Variants in KHDRBS2 observed in about 807,000 individuals in gnomAD.
KHDRBS2 encodes the protein KH RNA binding domain containing, signal transduction associated 2.
Under a neutral mutation model 44.3 loss-of-function variants are expected in KHDRBS2, and 26 were observed. The observed-to-expected ratio is 0.59, with a 90% CI of 0.43 to 0.81. The LOEUF is 0.81. Ranked by LOEUF, KHDRBS2 falls within the 40% of genes least tolerant of loss-of-function variation. KHDRBS2 has a pLI of 0.00. For synonymous variants in KHDRBS2, 194 were observed against 151.1 expected, an observed-to-expected ratio of 1.28 and a Z score of -2.08; for missense variants, 476 against 433.1, an observed-to-expected ratio of 1.10 and a Z score of -0.88.
At position 61,990,473 on chromosome 6, in the gene KHDRBS2, T is replaced by A. The variant is rs142761328; in HGVS notation, c.337-12261A>T. ...TAATTGGAAAGACTCACAGGGTATA[T>A]CACATTAAAATCTCTGAACATGAAG... On this transcript the variant is annotated intron_variant, in intron 3 of 8. Coordinates refer to ENST00000281156, the MANE Select transcript of KHDRBS2 (RefSeq NM_152688.4). Among the ~76,000 whole-genome samples, 554 of 152,230 alleles carry A rather than the reference T, an allele frequency of 3.6e-3. 4 individuals carry two copies. The highest frequency in any genetic ancestry group is 0.012 in the African/African-American group (512 of 41,548).
At chr6:61,732,789 A>T (rs1440741858) in intron 6 of KHDRBS2, 25 bp from the exon 7 acceptor site, 1 of 1,197,012 alleles carries the variant, frequency 8.4e-7, no homozygotes. Flanking sequence ...TGGTAGAAAC[A>T]CCTGTTAGTC....
At chr6:61,958,839 C>A (rs1240612051) in intron 4 of KHDRBS2, among the ~76,000 whole-genome samples, 6 of 152,136 alleles carry the variant, frequency 3.9e-5, no homozygotes, top group Admixed American at 3.9e-4. Flanking sequence ...CTTGACAATG[C>A]CTTCAGTTCT....
chr6:61,679,161 C>A (rs1561960463), downstream of KHDRBS2, among the ~76,000 whole-genome samples: 1 of 151,832 alleles, frequency 6.6e-6, no homozygotes, highest in Non-Finnish European at 1.5e-5. Context: ...CCACCATAAA[C>A]AAAAAAACTG....
At chr6:62,187,641 C>G (rs1332607861) in intron 1 of KHDRBS2, among the ~76,000 whole-genome samples, 5 of 151,954 alleles carry the variant, frequency 3.3e-5, no homozygotes, top group African/African-American at 1.2e-4. Context: ...TAAATATATT[C>G]ATCATTTCCA....
At chr6:62,210,577 C>T (rs1219377722) in intron 1 of KHDRBS2, among the ~76,000 whole-genome samples, 2 of 152,014 alleles carry the variant, frequency 1.3e-5, no homozygotes, top group Non-Finnish European at 2.9e-5. Context: ...GTGATCCGCC[C>T]TCCTCGGCCT....
Position 62,213,873 on chromosome 6 carries a change from C to CAAAA in KHDRBS2, c.92-36565_92-36562dup, listed in dbSNP as rs67482871. Among the ~76,000 whole-genome samples, 342 of 41,528 alleles carry CAAAA rather than the reference C, an allele frequency of 8.2e-3. 2 individuals carry two copies. The highest frequency in any genetic ancestry group is 0.033 in the Middle Eastern group (1 of 30). 27.2% of individuals were successfully genotyped at this position (41,528 alleles called of 152,430 possible). A position where few individuals can be genotyped will look rare whatever the true frequency, so the allele number is the denominator to read the frequency against. Reference sequence around the variant, plus strand: ...TGGGTGACAGAGCGAGACTCCATCTCAAAAAAAAAAAAAAAAAAAAAAAAA... The same window carrying CAAAA: ...TGGGTGACAGAGCGAGACTCCATCTCAAAAAAAAAAAAAAAAAAAAAAAAAAAAA... On this transcript the variant is annotated intron_variant, in intron 1 of 8. Coordinates refer to ENST00000281156, the MANE Select transcript of KHDRBS2 (RefSeq NM_152688.4).
intron 6 of KHDRBS2, among the ~76,000 whole-genome samples, chr6:61,734,730 T>C (rs1440969005): frequency 6.6e-6 from 1 of 152,178 alleles, no homozygotes; most frequent in Non-Finnish European, 1.5e-5. Context: ...TAATAATTGT[T>C]CATTCATCTT....
At chr6:62,282,895 C>G (rs1470415322) in intron 1 of KHDRBS2, among the ~76,000 whole-genome samples, 1 of 152,060 alleles carries the variant, frequency 6.6e-6, no homozygotes, top group Non-Finnish European at 1.5e-5. Flanking sequence ...AAACTGGGCC[C>G]AGGGAAAGAA....
intron 2 of KHDRBS2, among the ~76,000 whole-genome samples, chr6:62,111,470 T>C (rs754995453): frequency 6.6e-6 from 1 of 152,132 alleles, no homozygotes; most frequent in Non-Finnish European, 1.5e-5. Context: ...AAGTATTCTG[T>C]GGAATTGAAC....
intron 2 of KHDRBS2, among the ~76,000 whole-genome samples, chr6:62,057,280 A>T (rs1251941414): frequency 1.3e-5 from 2 of 151,966 alleles, no homozygotes; most frequent in Non-Finnish European, 2.9e-5. Flanking sequence ...TTTTGGAGAC[A>T]ACACTCTGGA....
At chr6:62,059,924 T>A (rs1426179556) in intron 2 of KHDRBS2, among the ~76,000 whole-genome samples, 2 of 151,826 alleles carry the variant, frequency 1.3e-5, no homozygotes, top group Non-Finnish European at 2.9e-5. Flanking sequence ...TCAGCAAATA[T>A]GTATCATATG....
At chr6:61,777,518 C>G (rs756191471) in intron 6 of KHDRBS2, among the ~76,000 whole-genome samples, 6 of 151,858 alleles carry the variant, frequency 4.0e-5, no homozygotes, top group Non-Finnish European at 8.8e-5. Context: ...CAGAGAATGC[C>G]AAAACTTCTG....
At chr6:61,663,630 G>T in the KHDRBS2 span, among the ~76,000 whole-genome samples, 1 of 148,134 alleles carries the variant, frequency 6.8e-6, no homozygotes, top group Non-Finnish European at 1.5e-5. Context: ...AAGTCTGGTA[G>T]CAGTATCCTT....
At chr6:61,888,851 G>A (rs1310762631) in intron 6 of KHDRBS2, among the ~76,000 whole-genome samples, 2 of 151,826 alleles carry the variant, frequency 1.3e-5, no homozygotes, top group Admixed American at 6.6e-5. Context: ...ATGAGCCACC[G>A]GGCCCGGCTG....
At chr6:61,943,896 A>G (rs913109655) in intron 4 of KHDRBS2, among the ~76,000 whole-genome samples, 2 of 152,210 alleles carry the variant, frequency 1.3e-5, no homozygotes, top group African/African-American at 4.8e-5. Context: ...ACAAAGAGGT[A>G]TATAAAAAAT....
the KHDRBS2 span, among the ~76,000 whole-genome samples, chr6:61,552,870 C>A: frequency 6.6e-6 from 1 of 152,054 alleles, no homozygotes; most frequent in Admixed American, 6.6e-5. Flanking sequence ...GGTGGATTAG[C>A]TTTTTGATGT....
chr6:61,978,435 TATC>T (rs1773172561), intron 3 of KHDRBS2, among the ~76,000 whole-genome samples: 1 of 152,042 alleles, frequency 6.6e-6, no homozygotes, highest in African/African-American at 2.4e-5. Context: ...CCGGCATAAT[TATC>T]ATCTACAACA....
At chr6:61,674,624 T>C in the KHDRBS2 span, among the ~76,000 whole-genome samples, 1 of 151,754 alleles carries the variant, frequency 6.6e-6, no homozygotes. Context: ...TATACCCTTA[T>C]ATCAATCATA....
chr6:62,062,477 C>T (rs931659933), intron 2 of KHDRBS2, among the ~76,000 whole-genome samples: 3 of 151,912 alleles, frequency 2.0e-5, no homozygotes, highest in Admixed American at 1.3e-4. Context: ...AAGAATCTCA[C>T]TCAAAGCCGC....
Sources: gnomAD v4.1 joint callset for allele counts (sites outside exome capture counted in the v4.1 genomes callset) on GRCh38, gnomAD v4.1.1 for gene constraint, MANE v1.5 for transcripts, NCBI Gene and HGNC (gene_info 2026-07-23, HGNC 2026-07-21) for gene names.